CDH3: variants seen among roughly 807,000 people sequenced by gnomAD.
CDH3 encodes the protein cadherin 3, also known as cadherin-3.
In CDH3, 54 loss-of-function variants were observed where a neutral mutation model predicts 82.0. That is an observed-to-expected ratio of 0.66 (90% confidence interval 0.53 to 0.83). CDH3 has a LOEUF of 0.83. Ranked by LOEUF, CDH3 falls within the 40% of genes least tolerant of loss-of-function variation. CDH3 has a pLI of 0.00. For missense variants in CDH3, 1,054 were observed against 1,084.6 expected (o/e 0.97, Z 0.40); for synonymous variants, 446 against 437.9 (o/e 1.02, Z -0.23).
intron 2 of CDH3, among the ~76,000 whole-genome samples, chr16:68,659,520 A>G (rs1353614347): frequency 9.9e-5 from 15 of 151,732 alleles, no homozygotes; most frequent in Non-Finnish European, 1.5e-5. Context: ...GGTTGCAGTG[A>G]GCCAAGATCA....
At chr16:68,667,766 C>T (rs937594786) in intron 2 of CDH3, among the ~76,000 whole-genome samples, 5 of 152,184 alleles carry the variant, frequency 3.3e-5, no homozygotes, top group Non-Finnish European at 5.9e-5. Context: ...CAGTTCAGGA[C>T]CCGAGGCCAG....
chr16:68,665,047 C>G (rs1960696945), intron 2 of CDH3, among the ~76,000 whole-genome samples: 2 of 152,176 alleles, frequency 1.3e-5, no homozygotes, highest in Admixed American at 1.3e-4. Context: ...ATGGCCTTCA[C>G]CTTCCTGTCC....
intron 7 of CDH3, among the ~76,000 whole-genome samples, 192 bp from the exon 8 acceptor site, chr16:68,680,776 G>A (rs1243625243): frequency 6.6e-6 from 1 of 152,140 alleles, no homozygotes. Context: ...TGGATCACTC[G>A]TTCCCTCTCC....
chr16:68,678,737 G>A lies in CDH3; in HGVS notation c.547-25G>A, dbSNP rs773789550. On this transcript the variant is annotated intron_variant, in intron 5 of 15. Coordinates refer to ENST00000264012, the MANE Select transcript of CDH3 (RefSeq NM_001793.6). ...CTGGTGAGGTGGGTGGCACCGGGCT[G>A]ACCCCAGAGCTGTGTACCCCACAGC... The A allele has an allele frequency of 3.7e-6, 6 of 1,614,160 alleles. No individual in the cohort carries two copies. In the South Asian group the frequency reaches 6.6e-5, roughly 18 times the overall value.
At chr16:68,709,295 G>T (rs115520315) in intron 1 of CDH3, among the ~76,000 whole-genome samples, 1 of 151,846 alleles carries the variant, frequency 6.6e-6, no homozygotes, top group African/African-American at 2.4e-5. Context: ...GGCTGGTCTC[G>T]ATCTGGCTTC....
chr16:68,688,559 GC>G (rs1961480319), intron 12 of CDH3, among the ~76,000 whole-genome samples: 1 of 151,268 alleles, frequency 6.6e-6, no homozygotes, highest in African/African-American at 2.4e-5. Flanking sequence ...CTGTACTCCA[GC>G]CTGGACAACA....
rs1366186043 is a variant in CDH3 at position 68,707,777 on chromosome 16, G to A, written c.99+11854G>A. Among the ~76,000 whole-genome samples the A allele has an allele frequency of 6.6e-6, 1 of 152,110 alleles. No homozygotes were observed. On this transcript the variant is annotated intron_variant, in intron 1 of 2. Transcript: ENST00000569080. This position sits in a 1 kb window ranked among gnomAD's most constrained non-coding sequence, Gnocchi z 4.5. ...GTATTAGGCCCTCTCCAAGTTAGAGGTGGGGTGGGAAGCCACCCCTGCATT... is the reference window on the plus strand; with the variant it reads ...GTATTAGGCCCTCTCCAAGTTAGAGATGGGGTGGGAAGCCACCCCTGCATT...
rs34394404 is a variant in CDH3, at chr16:68,684,685, G to A, written c.1285G>A (p.Val429Ile). ...CCCAACCTCCACAGCCACCATAGTGGTCCACGTGGAGGATGTGAATGAGGC... is the reference window on the plus strand; with the variant it reads ...CCCAACCTCCACAGCCACCATAGTGATCCACGTGGAGGATGTGAATGAGGC... Reference protein sequence around the residue: ...KLPTSTATIVVHVEDVNEAPV... With the variant: ...KLPTSTATIVIHVEDVNEAPV... Residue 429 changes from valine to isoleucine, a missense_variant, in exon 10 of 16, where the codon GTC becomes ATC. By Grantham distance (29) the Val-to-Ile change is conservative (BLOSUM62 3). Coordinates refer to ENST00000264012, the MANE Select transcript of CDH3 (RefSeq NM_001793.6). 0.012 allele frequency: 19,567 copies of A among 1,614,196 alleles called. 160 individuals carry two copies. The highest frequency in any genetic ancestry group is 0.015 in the Non-Finnish European group (17,879 of 1,180,036).
At chr16:68,718,387 A>ACC (rs1202068771) in intron 1 of CDH3, among the ~76,000 whole-genome samples, 1 of 151,912 alleles carries the variant, frequency 6.6e-6, no homozygotes, top group Non-Finnish European at 1.5e-5. Flanking sequence ...ACTTTGAAAA[A>ACC]CAGTTTGGCT....
At chr16:68,690,192 C>G (rs1961525824) in intron 12 of CDH3, among the ~76,000 whole-genome samples, 1 of 152,224 alleles carries the variant, frequency 6.6e-6, no homozygotes, top group Non-Finnish European at 1.5e-5. Flanking sequence ...TAGCCCAATA[C>G]CTGCTGCAGC....
rs527796702 is a variant in CDH3, at chr16:68,681,032, C to T, written c.932C>T (p.Thr311Met). The change falls in exon 8 of 16, where the codon ACG (threonine) becomes ATG (methionine). Residue 311 changes from threonine (T) to methionine (M), a missense_variant. Coordinates refer to ENST00000264012, the MANE Select transcript of CDH3 (RefSeq NM_001793.6). Reference protein sequence around the residue: ...TDMDGDGSTTTAVAVVEILDA... With the variant: ...TDMDGDGSTTMAVAVVEILDA... ...ATGGATGGGGACGGCTCCACCACCACGGCAGTGGCAGTAGTGGAGATCCTT... is the reference window on the plus strand; with the variant it reads ...ATGGATGGGGACGGCTCCACCACCATGGCAGTGGCAGTAGTGGAGATCCTT... 4.7e-5 allele frequency: 76 copies of T among 1,614,042 alleles called. No homozygotes were observed. The highest frequency in any genetic ancestry group is 1.6e-4 in the Middle Eastern group (1 of 6,062).
intron 1 of CDH3, among the ~76,000 whole-genome samples, chr16:68,705,299 C>T (rs1472215224): frequency 3.3e-5 from 5 of 152,118 alleles, no homozygotes; most frequent in Non-Finnish European, 2.9e-5. Context: ...GACTCTGTAG[C>T]CCTGAAGCAC....
chr16:68,680,289 G>T (rs1018419779), intron 7 of CDH3, among the ~76,000 whole-genome samples: 3 of 152,134 alleles, frequency 2.0e-5, no homozygotes, highest in Non-Finnish European at 4.4e-5. Flanking sequence ...TACCCAAATT[G>T]GTCCCTTATG....
chr16:68,714,607 A>G (rs533297078), intron 1 of CDH3, among the ~76,000 whole-genome samples: 28 of 152,198 alleles, frequency 1.8e-4, no homozygotes, highest in South Asian at 4.2e-4. Context: ...CATTTCCCCA[A>G]CCAGTCTGAG....
At chr16:68,688,553 A>G (rs1450664099) in intron 12 of CDH3, among the ~76,000 whole-genome samples, 2 of 150,928 alleles carry the variant, frequency 1.3e-5, no homozygotes, top group Admixed American at 1.3e-4. Flanking sequence ...GTGCCACTGT[A>G]CTCCAGCCTG....
chr16:68,647,929 T>C (rs1960124457), intron 2 of CDH3, among the ~76,000 whole-genome samples: 1 of 152,182 alleles, frequency 6.6e-6, no homozygotes, highest in African/African-American at 2.4e-5. Flanking sequence ...TGTTCGCCCC[T>C]GGGTTATGAA....
intron 1 of CDH3, among the ~76,000 whole-genome samples, chr16:68,715,032 C>T (rs1962075873): frequency 1.3e-5 from 2 of 151,658 alleles, no homozygotes; most frequent in South Asian, 4.2e-4. Flanking sequence ...TCAGGACAAC[C>T]TCATAAGAGA....
rs1477289857 is a variant in CDH3, at chr16:68,678,669, T to C, written c.546+13T>C. The stretch of plus-strand genomic sequence containing the variant: ...TGCCAAGTATGAGGCAAGTAGCCTT[T>C]AGTGTCTACTGTAAATGTCCCCTCA... On this transcript the variant is annotated intron_variant, in intron 5 of 15. Coordinates refer to ENST00000264012, the MANE Select transcript of CDH3 (RefSeq NM_001793.6). 1.2e-6 allele frequency: 2 copies of C among 1,614,200 alleles called. No homozygotes were observed. The highest frequency in any genetic ancestry group is 1.7e-6 in the Non-Finnish European group (2 of 1,180,036).
At chr16:68,678,436 G>T in intron 4 of CDH3, 65 bp from the exon 5 acceptor site, 1 of 1,605,250 alleles carries the variant, frequency 6.2e-7, no homozygotes, top group Non-Finnish European at 8.5e-7. Context: ...TCTTCACAGA[G>T]GACTCTTTGT....
Sources: allele counts gnomAD v4.1 joint callset (sites outside exome capture counted in the v4.1 genomes callset), GRCh38; gene constraint gnomAD v4.1.1; non-coding constraint Gnocchi (gnomAD v3.1); transcripts MANE v1.5; gene names NCBI Gene and HGNC (gene_info 2026-07-23, HGNC 2026-07-21).